The following BRD10 variants were observed in gnomAD, a reference collection of about 807,000 sequenced individuals.
BRD10 encodes the protein bromodomain containing 10, also known as uncharacterized bromodomain-containing protein 10.
chr9:5,998,542 A>G, the BRD10 span, among the ~76,000 whole-genome samples: 2 of 152,040 alleles, frequency 1.3e-5, no homozygotes, highest in South Asian at 2.1e-4. Context: ...CTTTCTCTCA[A>G]TCCTTACAGC....
the BRD10 span, among the ~76,000 whole-genome samples, chr9:5,933,087 G>C: frequency 1.3e-5 from 2 of 152,248 alleles, no homozygotes; most frequent in African/African-American, 4.8e-5. Context: ...AAAAATGGCA[G>C]ATAGATAATT....
At chr9:5,908,686 C>T in the BRD10 span, 1 of 1,614,056 alleles carries the variant, frequency 6.2e-7, no homozygotes, top group African/African-American at 1.3e-5. Context: ...GCAGAACAGT[C>T]ACCACCACCT....
chr9:5,921,992 G>C, the BRD10 span: 1 of 1,613,956 alleles, frequency 6.2e-7, no homozygotes, highest in Non-Finnish European at 8.5e-7. Context: ...TCCAGCTACA[G>C]GTGAAAAAGC....
the BRD10 span, among the ~76,000 whole-genome samples, chr9:5,925,496 C>T: frequency 6.6e-6 from 1 of 151,450 alleles, no homozygotes; most frequent in Non-Finnish European, 1.5e-5. Context: ...AATTTTTTTT[C>T]TAGCTGCACT....
chr9:5,997,765 A>T, the BRD10 span, among the ~76,000 whole-genome samples: 1 of 152,182 alleles, frequency 6.6e-6, no homozygotes, highest in Non-Finnish European at 1.5e-5. Context: ...CCATTCATTC[A>T]TTCCTTCATT....
At chr9:6,004,141 C>T in the BRD10 span, among the ~76,000 whole-genome samples, 1 of 152,208 alleles carries the variant, frequency 6.6e-6, no homozygotes, top group Non-Finnish European at 1.5e-5. Flanking sequence ...ATAGACTAGT[C>T]TCTTTCTCTT....
At chr9:5,970,061 T>C in the BRD10 span, among the ~76,000 whole-genome samples, 3 of 152,196 alleles carry the variant, frequency 2.0e-5, no homozygotes, top group Non-Finnish European at 1.5e-5. Context: ...CTAGAAGTAA[T>C]ATGACTTCAC....
At chr9:5,892,175 A>G in the BRD10 span, among the ~76,000 whole-genome samples, 3 of 152,230 alleles carry the variant, frequency 2.0e-5, no homozygotes, top group African/African-American at 7.2e-5. Context: ...TTTTCACCAA[A>G]TAATAACTCA....
chr9:5,944,651 C>T, the BRD10 span, among the ~76,000 whole-genome samples: 1 of 151,986 alleles, frequency 6.6e-6, no homozygotes, highest in East Asian at 1.9e-4. Context: ...CTGATACAAA[C>T]CAGGCAAACA....
chr9:6,008,355 G>C, the BRD10 span: 1 of 981,320 alleles, frequency 1.0e-6, no homozygotes. Context: ...AAGCCCCGCT[G>C]GGCGGTGAGG....
At chr9:5,973,633 A>T in the BRD10 span, among the ~76,000 whole-genome samples, 1 of 152,168 alleles carries the variant, frequency 6.6e-6, no homozygotes, top group Non-Finnish European at 1.5e-5. Context: ...TCACACCTGT[A>T]ATCCCAGCAT....
chr9:5,915,525 A>C, the BRD10 span, among the ~76,000 whole-genome samples: 1 of 152,126 alleles, frequency 6.6e-6, no homozygotes, highest in Admixed American at 6.5e-5. Flanking sequence ...TATTTTTATA[A>C]TCATTCCCTA....
At chr9:5,955,614 A>G in the BRD10 span, among the ~76,000 whole-genome samples, 1 of 149,986 alleles carries the variant, frequency 6.7e-6, no homozygotes, top group Non-Finnish European at 1.5e-5. Flanking sequence ...AAATCCATGT[A>G]TACTATGACT....
the BRD10 span, among the ~76,000 whole-genome samples, chr9:5,948,929 T>C: frequency 3.9e-5 from 6 of 152,114 alleles, no homozygotes; most frequent in African/African-American, 1.2e-4. Context: ...ATCATCACCA[T>C]ACCAGCAACA....
chr9:5,926,157 C>A, the BRD10 span, among the ~76,000 whole-genome samples: 1 of 152,276 alleles, frequency 6.6e-6, no homozygotes, highest in South Asian at 2.1e-4. Flanking sequence ...ACCTCGTGAT[C>A]TGCCCACCTT....
the BRD10 span, among the ~76,000 whole-genome samples, chr9:5,997,734 A>G: frequency 3.3e-5 from 5 of 152,192 alleles, no homozygotes; most frequent in Admixed American, 1.3e-4. Flanking sequence ...ACCAAAACAA[A>G]TTTCAGGCAG....
At chr9:5,930,369 T>TTATATATATATA in the BRD10 span, among the ~76,000 whole-genome samples, 1 of 135,536 alleles carries the variant, frequency 7.4e-6, no homozygotes, top group East Asian at 2.1e-4. Context: ...TATAAGGAGA[T>TTATATATATATA]TATATATATA....
the BRD10 span, chr9:6,007,299 C>A: frequency 6.2e-7 from 1 of 1,613,932 alleles, no homozygotes; most frequent in Non-Finnish European, 8.5e-7. Context: ...TCTCCAGCAT[C>A]AACCTGAAGT....
the BRD10 span, chr9:5,953,935 A>G: frequency 1.3e-6 from 1 of 784,882 alleles, no homozygotes; most frequent in Non-Finnish European, 2.1e-6. Flanking sequence ...AGTTTCTTGG[A>G]ATTCAGCCAA....
Sources: gnomAD v4.1 joint callset for allele counts (sites outside exome capture counted in the v4.1 genomes callset) on GRCh38, gnomAD v4.1.1 for gene constraint, MANE v1.5 for transcripts, NCBI Gene and HGNC (gene_info 2026-07-23, HGNC 2026-07-21) for gene names.